SYT9: variants seen among roughly 807,000 people sequenced by gnomAD.
SYT9 encodes the protein synaptotagmin 9.
Under a neutral mutation model 48.4 loss-of-function variants are expected in SYT9, and 22 were observed. The observed-to-expected ratio is 0.45, with a 90% confidence interval of 0.32 to 0.65. SYT9 has a LOEUF of 0.65. Among genes scored for constraint, SYT9 ranks in the 30% least tolerant of loss-of-function variants. SYT9 has a pLI of 0.03. For missense variants in SYT9, 577 were observed against 622.0 expected (o/e 0.93, Z 0.77); for synonymous variants, 265 against 245.0 (o/e 1.08, Z -0.76).
chr11:7,464,711 C>T (rs1465410734), intron 6 of SYT9, among the ~76,000 whole-genome samples: 1 of 152,156 alleles, frequency 6.6e-6, no homozygotes, highest in African/African-American at 2.4e-5. Context: ...AATTGGCAAA[C>T]TGATATGGGT....
intron 1 of SYT9, among the ~76,000 whole-genome samples, chr11:7,292,335 G>A (rs992512298): frequency 6.6e-6 from 1 of 152,188 alleles, no homozygotes; most frequent in Non-Finnish European, 1.5e-5. Flanking sequence ...ATACAGTAGT[G>A]CCAAGCTTAA....
At chr11:7,259,709 A>G (rs906073920) in intron 1 of SYT9, among the ~76,000 whole-genome samples, 1 of 152,030 alleles carries the variant, frequency 6.6e-6, no homozygotes, top group Non-Finnish European at 1.5e-5. Context: ...CACATTCTCT[A>G]TCATGTACCA....
chr11:7,368,573 T>A (rs761692934), intron 3 of SYT9, among the ~76,000 whole-genome samples: 4 of 152,170 alleles, frequency 2.6e-5, no homozygotes, highest in Non-Finnish European at 5.9e-5. Context: ...TGTCCATGTG[T>A]TCTCATTGTT....
intron 3 of SYT9, among the ~76,000 whole-genome samples, chr11:7,384,995 C>T (rs776752741): frequency 2.6e-5 from 4 of 152,114 alleles, no homozygotes; most frequent in Admixed American, 1.3e-4. Context: ...AAGTCACTCT[C>T]TCATAATGCC....
At chr11:7,329,146 T>A (rs1418899751) in intron 3 of SYT9, among the ~76,000 whole-genome samples, 1 of 152,254 alleles carries the variant, frequency 6.6e-6, no homozygotes, top group Non-Finnish European at 1.5e-5. Flanking sequence ...CCTGATGCTT[T>A]CTATCTTTTC....
intron 3 of SYT9, among the ~76,000 whole-genome samples, chr11:7,413,534 T>C (rs1431440331): frequency 1.3e-5 from 2 of 152,150 alleles, no homozygotes; most frequent in Admixed American, 6.5e-5. Context: ...GGGAGGTCTC[T>C]CACTTACCCT....
upstream of SYT9, among the ~76,000 whole-genome samples, chr11:7,250,497 A>G (rs1232041792): frequency 8.3e-6 from 1 of 119,966 alleles, no homozygotes; most frequent in East Asian, 2.7e-4. Flanking sequence ...TTCTCTGTTC[A>G]TGGCCTTTTT....
chr11:7,434,890 T>TA (rs1382118077), intron 6 of SYT9: 1 of 152,240 alleles, frequency 6.6e-6, no homozygotes, highest in African/African-American at 2.4e-5. Context: ...TTCCCAGGAC[T>TA]GGGGCTAATG....
At chr11:7,363,814 G>A (rs1850191027) in intron 3 of SYT9, among the ~76,000 whole-genome samples, 1 of 152,134 alleles carries the variant, frequency 6.6e-6, no homozygotes, top group African/African-American at 2.4e-5. Flanking sequence ...AGAGGTGTCT[G>A]TTCAGCAACA....
intron 6 of SYT9, chr11:7,441,433 G>A (rs2134134150): frequency 6.6e-6 from 1 of 152,328 alleles, no homozygotes; most frequent in South Asian, 2.1e-4. Context: ...TACTTTTGAT[G>A]TAATGAACAG....
Position 7,258,798 on chromosome 11 carries a change from T to G in SYT9, c.145+6467T>G, listed in dbSNP as rs1423622121. On this transcript the variant is annotated intron_variant, in intron 1 of 6. Transcript: ENST00000318881. ...GTAGTATCACCTGCCCATGTTTCCT[T>G]TCAGCCGTGGTCCACAAACATGTAT... 2.6e-5 allele frequency among the ~76,000 whole-genome samples: 4 copies of G among 152,142 alleles called. No individual in the cohort carries two copies. In the East Asian group the frequency reaches 7.7e-4, roughly 29 times the overall value.
chr11:7,444,228 G>C (rs79655053), intron 6 of SYT9: 2 of 152,364 alleles, frequency 1.3e-5, no homozygotes, highest in South Asian at 4.1e-4. Context: ...AGAGAGCAGC[G>C]TGCAGTGACA....
intron 6 of SYT9, among the ~76,000 whole-genome samples, chr11:7,445,225 G>A (rs1847904722): frequency 6.6e-6 from 1 of 152,166 alleles, no homozygotes. Flanking sequence ...GGTAAACTTT[G>A]ATAATTGATA....
intron 3 of SYT9, among the ~76,000 whole-genome samples, chr11:7,395,041 T>TG (rs1295871790): frequency 6.6e-6 from 1 of 152,136 alleles, no homozygotes; most frequent in Non-Finnish European, 1.5e-5. Flanking sequence ...CCATAGGTTT[T>TG]GGGGGAACAG....
intron 3 of SYT9, among the ~76,000 whole-genome samples, chr11:7,366,754 G>A (rs933646850): frequency 6.6e-6 from 1 of 151,996 alleles, no homozygotes; most frequent in Non-Finnish European, 1.5e-5. Flanking sequence ...CCTAGAAATA[G>A]AAATTTGGGG....
chr11:7,373,634 A>C (rs1850402328), intron 3 of SYT9, among the ~76,000 whole-genome samples: 1 of 152,114 alleles, frequency 6.6e-6, no homozygotes, highest in South Asian at 2.1e-4. Context: ...ACACAGTTCT[A>C]CTGGCCCTGA....
intron 6 of SYT9, among the ~76,000 whole-genome samples, chr11:7,422,793 G>A (rs1298006187): frequency 6.6e-6 from 1 of 152,072 alleles, no homozygotes; most frequent in Non-Finnish European, 1.5e-5. Context: ...TGTTGCACAC[G>A]GGTCCCTGAG....
chr11:7,406,317 C>T (rs1037889399), intron 3 of SYT9, among the ~76,000 whole-genome samples: 12 of 151,978 alleles, frequency 7.9e-5, no homozygotes, highest in African/African-American at 2.7e-4. Context: ...CTATATCCCA[C>T]CTGCCACCCA....
chr11:7,275,483 A>G (rs1047026129), intron 1 of SYT9, among the ~76,000 whole-genome samples: 3 of 151,692 alleles, frequency 2.0e-5, no homozygotes, highest in Admixed American at 6.6e-5. Context: ...ATCCCATTCT[A>G]TTTTCTTTCA....
Sources: gnomAD v4.1 joint callset for allele counts (sites outside exome capture counted in the v4.1 genomes callset) on GRCh38, gnomAD v4.1.1 for gene constraint, MANE v1.5 for transcripts, NCBI Gene and HGNC (gene_info 2026-07-23, HGNC 2026-07-21) for gene names.